SNRPN: variants seen among roughly 807,000 people sequenced by gnomAD.
The protein encoded by SNRPN is small nuclear ribonucleoprotein-associated protein N.
SNRPN carries 7 observed loss-of-function variants against 25.2 expected under a neutral mutation model. The observed-to-expected ratio is 0.28, with a 90% CI of 0.16 to 0.52. SNRPN has a LOEUF of 0.52. SNRPN is among the 20% of genes least tolerant of loss of function. The pLI is 0.96. For synonymous variants in SNRPN, 124 were observed against 110.6 expected, an observed-to-expected ratio of 1.12 and a Z score of -0.76; for missense variants, 196 against 322.5, an observed-to-expected ratio of 0.61 and a Z score of 3.00.
intron 2 of SNRPN, among the ~76,000 whole-genome samples, chr15:24,888,737 A>T (rs1340956968): frequency 6.6e-6 from 1 of 152,114 alleles, no homozygotes; most frequent in Non-Finnish European, 1.5e-5. Flanking sequence ...TAATTTTAAT[A>T]TTGGAGCCTG....
intron 1 of SNRPN, among the ~76,000 whole-genome samples, chr15:24,866,417 G>C (rs996578586): frequency 4.0e-5 from 6 of 151,842 alleles, no homozygotes; most frequent in African/African-American, 1.5e-4. Context: ...TTTTTAAATA[G>C]ACACAGGCTC....
chr15:24,963,062 C>T (rs1393897340), intron 2 of SNRPN, among the ~76,000 whole-genome samples: 5 of 152,020 alleles, frequency 3.3e-5, no homozygotes, highest in African/African-American at 1.2e-4. Context: ...CAGACCTTGT[C>T]CTATGCATTG....
upstream of SNRPN, among the ~76,000 whole-genome samples, chr15:24,951,999 C>G (rs191480508): frequency 2.0e-5 from 3 of 152,104 alleles, no homozygotes; most frequent in Admixed American, 1.3e-4. Flanking sequence ...GGTGTCATAT[C>G]TAAGAAACTG....
chr15:24,871,845 C>G (rs1353775741), intron 1 of SNRPN, among the ~76,000 whole-genome samples: 1 of 123,548 alleles, frequency 8.1e-6, no homozygotes, highest in East Asian at 2.8e-4. Flanking sequence ...GCTGGGACTA[C>G]AGGCGCCCAC....
intron 2 of SNRPN, among the ~76,000 whole-genome samples, chr15:24,887,146 C>CTTTTT (rs759363529): frequency 2.3e-5 from 3 of 128,798 alleles, no homozygotes; most frequent in Non-Finnish European, 3.3e-5. Context: ...ACACTGAGGT[C>CTTTTT]TTTTTTTTTT....
chr15:24,917,593 C>T (rs535573403), intron 2 of SNRPN, among the ~76,000 whole-genome samples: 5 of 152,294 alleles, frequency 3.3e-5, no homozygotes, highest in Non-Finnish European at 5.9e-5. Flanking sequence ...TTCAACGCGG[C>T]CTGGGGTATT....
intron 2 of SNRPN, among the ~76,000 whole-genome samples, chr15:24,903,035 C>T (rs547770089): frequency 2.6e-5 from 4 of 152,230 alleles, no homozygotes; most frequent in Admixed American, 2.6e-4. Flanking sequence ...GTTTACAAAC[C>T]TTTAGCTAGA....
At chr15:24,856,781 A>C (rs1402593269) in intron 1 of SNRPN, 1 of 152,180 alleles carries the variant, frequency 6.6e-6, no homozygotes, top group African/African-American at 2.4e-5. Context: ...ACTTGTATGC[A>C]GTTTTCTTTT....
At chr15:24,864,037 T>A (rs1276229480) in intron 1 of SNRPN, among the ~76,000 whole-genome samples, 1 of 147,816 alleles carries the variant, frequency 6.8e-6, no homozygotes, top group South Asian at 2.1e-4. Flanking sequence ...TTATTATTTT[T>A]TTTTTTGGAG....
rs139456134 is a variant in SNRPN at position 24,916,417 on chromosome 15, T to C, written c.-504-3594T>C. Reference sequence around the variant, plus strand: ...GAGAGATCAGATAGGTACATAAGCTTAGTGACTCAGCCTGTAGTCCCAGTT... The same window carrying C: ...GAGAGATCAGATAGGTACATAAGCTCAGTGACTCAGCCTGTAGTCCCAGTT... On this transcript the variant is annotated intron_variant, in intron 2 of 11. Transcript: ENST00000400097. 2.6e-3 allele frequency among the ~76,000 whole-genome samples: 402 copies of C among 151,982 alleles called. 2 individuals carry two copies. Among genetic ancestry groups the C allele is most frequent in the African/African-American group, 9.4e-3 (389 of 41,466 alleles).
intron 2 of SNRPN, chr15:24,911,143 G>A (rs571024174): frequency 1.3e-4 from 104 of 787,514 alleles, no homozygotes; most frequent in South Asian, 2.1e-4. Context: ...TGGGTAGGTC[G>A]TCAGTGCTGG....
intron 1 of SNRPN, among the ~76,000 whole-genome samples, chr15:24,828,921 G>T (rs542658684): frequency 6.6e-6 from 1 of 152,172 alleles, no homozygotes; most frequent in South Asian, 2.1e-4. Context: ...GTGGACTAAG[G>T]ATGGGGAGGC....
intron 3 of SNRPN, among the ~76,000 whole-genome samples, chr15:24,923,030 C>T (rs919659347): frequency 4.0e-5 from 6 of 151,464 alleles, no homozygotes; most frequent in African/African-American, 1.5e-4. Context: ...CTCAGACCCC[C>T]ATGTAACTGG....
intron 2 of SNRPN, among the ~76,000 whole-genome samples, chr15:24,919,028 T>C (rs970972014): frequency 8.0e-5 from 11 of 138,356 alleles, no homozygotes; most frequent in African/African-American, 1.7e-4. Flanking sequence ...TATGTGCGCA[T>C]ATATATATAA....
intron 2 of SNRPN, chr15:24,908,883 A>C (rs377428266): frequency 2.5e-5 from 19 of 751,636 alleles, no homozygotes; most frequent in East Asian, 2.0e-4. Flanking sequence ...GCTGTCCATA[A>C]GTTTATTGTC....
At chr15:24,827,037 C>G (rs1035307514) in intron 1 of SNRPN, among the ~76,000 whole-genome samples, 1 of 151,958 alleles carries the variant, frequency 6.6e-6, no homozygotes, top group Non-Finnish European at 1.5e-5. Context: ...CACACACATA[C>G]ATATATATAC....
chr15:24,923,547 T>C (rs1459917466), intron 3 of SNRPN, among the ~76,000 whole-genome samples: 2 of 152,292 alleles, frequency 1.3e-5, no homozygotes, highest in East Asian at 3.9e-4. Flanking sequence ...GCAGCATTAT[T>C]TGTAATAGCC....
chr15:24,951,930 C>G (rs2062309237), upstream of SNRPN, among the ~76,000 whole-genome samples: 1 of 152,082 alleles, frequency 6.6e-6, no homozygotes. Flanking sequence ...GAATCGAAAA[C>G]TTTTATGTAA....
At chr15:24,838,543 C>T (rs879561970) in intron 2 of SNRPN, among the ~76,000 whole-genome samples, 10 of 152,054 alleles carry the variant, frequency 6.6e-5, no homozygotes, top group Non-Finnish European at 1.2e-4. Flanking sequence ...GAATGGATTA[C>T]GAGATTCGTT....
Sources: gnomAD v4.1 joint callset for allele counts (sites outside exome capture counted in the v4.1 genomes callset) on GRCh38, gnomAD v4.1.1 for gene constraint, MANE v1.5 for transcripts, NCBI Gene and HGNC (gene_info 2026-07-23, HGNC 2026-07-21) for gene names.